Variants in TMEM63C observed in about 807,000 individuals in gnomAD.
TMEM63C encodes transmembrane protein 63C.
A neutral mutation model predicts 99.2 loss-of-function variants in TMEM63C; 32 were observed. That is an observed-to-expected ratio of 0.32 (90% CI 0.24 to 0.43). TMEM63C has a LOEUF of 0.43. TMEM63C is among the 20% of genes least tolerant of loss of function. TMEM63C has a pLI of 1.00. For synonymous variants in TMEM63C, 376 were observed against 397.9 expected, an observed-to-expected ratio of 0.94 and a Z score of 0.66; for missense variants, 826 against 1,053.0, an observed-to-expected ratio of 0.78 and a Z score of 2.98.
At chr14:77,185,963 T>C (rs1026840101) in intron 1 of TMEM63C, among the ~76,000 whole-genome samples, 1 of 151,652 alleles carries the variant, frequency 6.6e-6, no homozygotes, top group Non-Finnish European at 1.5e-5. Flanking sequence ...CTCTGCTTGC[T>C]GAGTGGCCAG....
rs550751227 is a variant in TMEM63C, at chr14:77,211,467, A to T, written c.-76-1979A>T. Among the ~76,000 whole-genome samples the T allele has an allele frequency of 8.5e-5, 13 of 152,322 alleles. No individual in the cohort carries two copies. In the South Asian group the frequency reaches 2.3e-3, roughly 27 times the overall value. ...TCATATTACTTGCTCTGTAAACGTT[A>T]GCTATTAATAAAATTTGTCCCTCCC... is the stretch of plus-strand genomic sequence containing the variant. On this transcript the variant is annotated intron_variant, in intron 1 of 23. Transcript: ENST00000298351.
At chr14:77,234,842 A>G (rs1889008174) in intron 8 of TMEM63C, among the ~76,000 whole-genome samples, 1 of 152,124 alleles carries the variant, frequency 6.6e-6, no homozygotes, top group African/African-American at 2.4e-5. Context: ...TCCTCCCCCG[A>G]GGCCTGCAGG....
At chr14:77,218,700 G>A (rs776823124) in intron 2 of TMEM63C, 101 bp from the exon 3 acceptor site, 412 of 1,275,788 alleles carry the variant, frequency 3.2e-4, no homozygotes, top group Non-Finnish European at 4.2e-4. Context: ...TAGCCTGGCC[G>A]AGGCACTCGG....
chr14:77,231,467 TAAAA>T, intron 6 of TMEM63C, 117 bp from the exon 7 acceptor site: 34 of 963,040 alleles, frequency 3.5e-5, no homozygotes, highest in East Asian at 1.1e-4. Context: ...ATAGAGATAG[TAAAA>T]AAAAAAAAAA....
intron 16 of TMEM63C, among the ~76,000 whole-genome samples, chr14:77,245,223 C>T (rs1463508703): frequency 6.6e-6 from 1 of 152,218 alleles, no homozygotes; most frequent in Non-Finnish European, 1.5e-5. Context: ...GAGACATCAA[C>T]TATATGGCAC....
At chr14:77,226,431 G>C (rs573733518) in intron 6 of TMEM63C, among the ~76,000 whole-genome samples, 6 of 152,366 alleles carry the variant, frequency 3.9e-5, no homozygotes, top group Admixed American at 3.9e-4. Flanking sequence ...AACCCATGCG[G>C]TCTGGTTGGA....
chr14:77,199,731 G>A (rs1231947940), intron 1 of TMEM63C, among the ~76,000 whole-genome samples: 1 of 152,144 alleles, frequency 6.6e-6, no homozygotes, highest in East Asian at 1.9e-4. Context: ...GTCTCCACCT[G>A]GCTGGAAGTG....
In TMEM63C at chr14:77,184,538, A is replaced by G. The variant is rs760945642; in HGVS notation, c.-77+2644A>G. On this transcript the variant is annotated intron_variant, in intron 1 of 23. Coordinates refer to ENST00000298351, the MANE Select transcript of TMEM63C (RefSeq NM_020431.4). ...TGGGAGCTGTTTGCACAGAGCGTCCAGTTTGCAGGAACCCACGTGGTGCTC... is the reference window on the plus strand; with the variant it reads ...TGGGAGCTGTTTGCACAGAGCGTCCGGTTTGCAGGAACCCACGTGGTGCTC... Among the ~76,000 whole-genome samples the G allele has an allele frequency of 4.1e-4, 63 of 152,194 alleles. 2 individuals are homozygous for G. The highest frequency in any genetic ancestry group is 1.2e-4 in the Non-Finnish European group (8 of 68,040).
intron 15 of TMEM63C, among the ~76,000 whole-genome samples, chr14:77,243,620 G>A (rs765548748): frequency 1.3e-5 from 2 of 152,124 alleles, no homozygotes; most frequent in Non-Finnish European, 2.9e-5. Flanking sequence ...CTGAAGTTAG[G>A]GGATGCCTCC....
intron 1 of TMEM63C, among the ~76,000 whole-genome samples, chr14:77,193,826 C>T (rs1296899614): frequency 7.1e-6 from 1 of 141,270 alleles, no homozygotes; most frequent in Non-Finnish European, 1.5e-5. Context: ...AAGAGCGAAA[C>T]TCCGTCTCAA....
Position 77,251,793 on chromosome 14 carries a change from T to C in TMEM63C, c.2043T>C (p.Ser681=), listed in dbSNP as rs987778418. ...ACTTTTTCTCCTCCTCGGCAGGTTC[T>C]CTCCACGCCATCACCATCTTTTCCC... ...MLFFSILRLG[S]LHAITIFSLS... is the part of the protein sequence containing the mutation. Residue 681 remains serine, a synonymous_variant, in exon 22 of 24, where the codon TCT becomes TCC. Coordinates refer to ENST00000298351, the MANE Select transcript of TMEM63C (RefSeq NM_020431.4). 1.9e-6 allele frequency: 3 copies of C among 1,613,636 alleles called. No homozygotes were observed. The African/African-American group carries it at 4.0e-5, about 22-fold the overall frequency.
chr14:77,231,527 C>T (rs984278244), intron 6 of TMEM63C, 61 bp from the exon 7 acceptor site: 77 of 1,542,198 alleles, frequency 5.0e-5, no homozygotes, highest in Middle Eastern at 3.4e-4. Context: ...TCTACCTCCC[C>T]GCAACAAGTG....
At chr14:77,233,781 A>C (rs1459967790) in intron 8 of TMEM63C, among the ~76,000 whole-genome samples, 1 of 152,002 alleles carries the variant, frequency 6.6e-6, no homozygotes, top group Non-Finnish European at 1.5e-5. Context: ...TGCTTAGTGT[A>C]CCCAGATCCC....
At chr14:77,252,044 G>A (rs1313994483) in intron 22 of TMEM63C, 146 bp downstream of exon 22, 3 of 667,712 alleles carry the variant, frequency 4.5e-6, no homozygotes, top group South Asian at 1.8e-5. Context: ...GGAGCCCAGT[G>A]TGCATGCGTG....
intron 5 of TMEM63C, among the ~76,000 whole-genome samples, chr14:77,224,199 G>A (rs1224697579): frequency 1.3e-5 from 2 of 152,046 alleles, no homozygotes; most frequent in African/African-American, 4.8e-5. Context: ...GCCGAGGGGA[G>A]CAAGGGACTT....
intron 6 of TMEM63C, among the ~76,000 whole-genome samples, chr14:77,229,954 C>T (rs1888906288): frequency 6.6e-6 from 1 of 151,950 alleles, no homozygotes. Flanking sequence ...AATCCAAGCA[C>T]TTTGGGAGGC....
chr14:77,202,708 T>C (rs576451424), intron 1 of TMEM63C, among the ~76,000 whole-genome samples: 2 of 152,286 alleles, frequency 1.3e-5, no homozygotes, highest in African/African-American at 4.8e-5. Context: ...AAAGACTCTA[T>C]TTCCAAACAA....
At chr14:77,186,666 AGAC>A (rs1295178963) in intron 1 of TMEM63C, among the ~76,000 whole-genome samples, 11 of 152,322 alleles carry the variant, frequency 7.2e-5, no homozygotes, top group Admixed American at 5.9e-4. Flanking sequence ...ACTCCAGCCC[AGAC>A]GACAGAGCAA....
At chr14:77,204,145 C>A (rs188074529) in intron 1 of TMEM63C, among the ~76,000 whole-genome samples, 2 of 152,336 alleles carry the variant, frequency 1.3e-5, no homozygotes, top group African/African-American at 4.8e-5. Context: ...ACCACGGAGA[C>A]AAGAATTGCA....
Sources: allele counts gnomAD v4.1 joint callset (sites outside exome capture counted in the v4.1 genomes callset), GRCh38; gene constraint gnomAD v4.1.1; transcripts MANE v1.5; gene names NCBI Gene and HGNC (gene_info 2026-07-23, HGNC 2026-07-21).